Variants in MIA2 observed in about 807,000 individuals in gnomAD.
MIA2 encodes MIA SH3 domain ER export factor 2.
MIA2 carries 127 observed loss-of-function variants against 167.8 expected under a neutral mutation model. The ratio of observed to expected loss-of-function variants is 0.76; its 90% CI spans 0.66 to 0.88. The LOEUF (loss-of-function observed/expected upper bound fraction) is 0.88. Among genes scored for constraint, MIA2 ranks in the 40% least tolerant of loss-of-function variants. The pLI, the probability that MIA2 is intolerant of heterozygous loss-of-function variation, is 0.00. For missense variants in MIA2, 1,690 were observed against 1,624.7 expected (o/e 1.04, Z -0.69); for synonymous variants, 552 against 541.9 (o/e 1.02, Z -0.26).
chr14:39,314,560 A>G (rs962311821), intron 19 of MIA2, among the ~76,000 whole-genome samples, 179 bp from the exon 20 acceptor site: 9 of 150,046 alleles, frequency 6.0e-5, no homozygotes, highest in Admixed American at 4.7e-4. Context: ...AGGAAAAAAT[A>G]TACTGTAGAA....
rs116551298 is a variant in MIA2 at position 39,264,811 on chromosome 14, A to T, written c.1887+11640A>T. Among the ~76,000 whole-genome samples the T allele has an allele frequency of 7.8e-3, 1,182 of 152,318 alleles. 16 individuals are homozygous for T. Among genetic ancestry groups the T allele is most frequent in the African/African-American group, 0.026 (1,079 of 41,560 alleles). On this transcript the variant is annotated intron_variant, in intron 6 of 28. Transcript: ENST00000640607. The stretch of plus-strand genomic sequence containing the variant: ...TTTGCAATGGAGCCCTTCATAAGGG[A>T]AATCAGTGTCTAGGTTGTGAACAAA...
rs1372100362 is a variant in MIA2 at position 39,298,443 on chromosome 14, A to ATATATATATAT, written c.2497-1421_2497-1420insTATATATATAT. Among the ~76,000 whole-genome samples the ATATATATATAT allele has an allele frequency of 5.3e-3, 264 of 49,992 alleles. 23 individuals are homozygous for ATATATATATAT. Among genetic ancestry groups the ATATATATATAT allele is most frequent in the Middle Eastern group, 0.028 (3 of 106 alleles). 32.8% of individuals were successfully genotyped at this position (49,992 alleles called of 152,430 possible). On this transcript the variant is annotated intron_variant, in intron 13 of 28. Transcript: ENST00000640607. ...TATATATATATATATATATATATAT[A>ATATATATATAT]AAGATTAGTTTTTCATGTGTTCGGA...
At chr14:39,303,682 A>G (rs1252482484) in intron 16 of MIA2, among the ~76,000 whole-genome samples, 158 bp downstream of exon 16, 2 of 152,210 alleles carry the variant, frequency 1.3e-5, no homozygotes, top group East Asian at 1.9e-4. Context: ...TTTCCTTTCA[A>G]TTATTAACTT....
chr14:39,327,366 G>T (rs1166076770), intron 25 of MIA2, among the ~76,000 whole-genome samples: 1 of 152,062 alleles, frequency 6.6e-6, no homozygotes, highest in East Asian at 1.9e-4. Flanking sequence ...TTTAGTTGTA[G>T]GTATATATCT....
At chr14:39,315,991 G>C (rs2065345765) in intron 21 of MIA2, among the ~76,000 whole-genome samples, 1 of 152,158 alleles carries the variant, frequency 6.6e-6, no homozygotes, top group South Asian at 2.1e-4. Flanking sequence ...TTCATGGACT[G>C]ATTGTTCCAG....
At chr14:39,301,032 A>C (rs1271865495) in intron 14 of MIA2, among the ~76,000 whole-genome samples, 1 of 82,050 alleles carries the variant, frequency 1.2e-5, no homozygotes, top group African/African-American at 5.5e-5. Flanking sequence ...ACATATATAC[A>C]TATACATACA....
intron 25 of MIA2, among the ~76,000 whole-genome samples, chr14:39,340,369 C>A (rs1177228450): frequency 6.6e-6 from 1 of 152,168 alleles, no homozygotes; most frequent in Non-Finnish European, 1.5e-5. Context: ...TCTTAAAGAG[C>A]TGAACAAATA....
At chr14:39,257,080 T>C (rs1008890676) in intron 6 of MIA2, among the ~76,000 whole-genome samples, 5 of 152,170 alleles carry the variant, frequency 3.3e-5, no homozygotes, top group Non-Finnish European at 7.3e-5. Flanking sequence ...GTTAGAGAGT[T>C]CTGTAGATGT....
chr14:39,320,096 T>C (rs1424330882), intron 23 of MIA2, among the ~76,000 whole-genome samples: 1 of 138,976 alleles, frequency 7.2e-6, no homozygotes, highest in Non-Finnish European at 1.5e-5. Context: ...GTGAAGTATA[T>C]AGAAGGATTT....
At chr14:39,385,738 G>A (rs1490327980) in intron 23 of MIA2, 17 of 897,716 alleles carry the variant, frequency 1.9e-5, no homozygotes, top group Admixed American at 1.5e-4. Flanking sequence ...TGTCTCTACC[G>A]GATTCTGGAT....
At chr14:39,245,312 C>T (rs1202620269) in intron 3 of MIA2, among the ~76,000 whole-genome samples, 4 of 151,918 alleles carry the variant, frequency 2.6e-5, no homozygotes, top group Non-Finnish European at 5.9e-5. Context: ...TTCCCTGGGC[C>T]ACCCTGGAAG....
intron 3 of MIA2, 151 bp downstream of exon 3, chr14:39,240,798 A>G (rs1482466330): frequency 3.7e-6 from 2 of 546,432 alleles, no homozygotes; most frequent in East Asian, 3.1e-5. Flanking sequence ...TAGCTTGAAT[A>G]TTTGAATAAA....
At position 39,340,288 on chromosome 14, in the gene MIA2, G is replaced by A. The variant is rs114938827; in HGVS notation, c.3656-5616G>A. On this transcript the variant is annotated intron_variant, in intron 25 of 28. Transcript: ENST00000640607. The stretch of plus-strand genomic sequence containing the variant: ...TATGTAAGCATAGCAAAGAGACTAA[G>A]CAACCATACCTTGGTGGTGTAATCA... Among the ~76,000 whole-genome samples, 863 of 152,302 alleles carry A rather than the reference G, an allele frequency of 5.7e-3. 6 individuals are homozygous for A. The highest frequency in any genetic ancestry group is 0.015 in the African/African-American group (635 of 41,562).
chr14:39,299,113 T>C (rs1340139748), intron 13 of MIA2, among the ~76,000 whole-genome samples: 2 of 147,496 alleles, frequency 1.4e-5, no homozygotes, highest in Non-Finnish European at 3.0e-5. Context: ...AATTCCTTTC[T>C]AGTTATTTAT....
chr14:39,275,074 C>T (rs1319304936), intron 6 of MIA2, among the ~76,000 whole-genome samples: 2 of 51,922 alleles, frequency 3.9e-5, no homozygotes, highest in Non-Finnish European at 9.7e-5. Context: ...GACTCCGTCT[C>T]AAAAAAAAAA....
At chr14:39,330,933 T>A (rs188525083) in intron 25 of MIA2, among the ~76,000 whole-genome samples, 23 of 152,234 alleles carry the variant, frequency 1.5e-4, no homozygotes, top group African/African-American at 4.6e-4. Context: ...AAATGTATAT[T>A]TTGTTGATTT....
At chr14:39,375,020 A>C (rs1243908345) in intron 23 of MIA2, among the ~76,000 whole-genome samples, 1 of 152,242 alleles carries the variant, frequency 6.6e-6, no homozygotes, top group Admixed American at 6.5e-5. Context: ...AGGTTTGGAC[A>C]TGGCAAAGAA....
At chr14:39,322,764 T>A (rs1333709911) in intron 24 of MIA2, among the ~76,000 whole-genome samples, 9 of 152,160 alleles carry the variant, frequency 5.9e-5, no homozygotes, top group Non-Finnish European at 1.3e-4. Context: ...CTTTAAAGTT[T>A]TATCTTAATT....
At chr14:39,382,295 C>G (rs2075181427) in intron 23 of MIA2, among the ~76,000 whole-genome samples, 1 of 152,218 alleles carries the variant, frequency 6.6e-6, no homozygotes, top group African/African-American at 2.4e-5. Flanking sequence ...GCAATAAAGA[C>G]AGCCCAAGCT....
Sources: gnomAD v4.1 joint callset for allele counts (sites outside exome capture counted in the v4.1 genomes callset) on GRCh38, gnomAD v4.1.1 for gene constraint, MANE v1.5 for transcripts, NCBI Gene and HGNC (gene_info 2026-07-23, HGNC 2026-07-21) for gene names.